The following CNOT7 variants were observed in gnomAD, a reference collection of about 807,000 sequenced individuals.
CNOT7 encodes BTG1-binding factor 1.
Under a neutral mutation model 37.1 loss-of-function variants are expected in CNOT7, and 4 were observed. The observed-to-expected ratio is 0.11, with a 90% CI of 0.05 to 0.25. The LOEUF is 0.25. CNOT7 is among the 10% of genes least tolerant of loss of function. CNOT7 has a pLI of 1.00. For missense variants in CNOT7, 170 were observed against 336.2 expected, an observed-to-expected ratio of 0.51 and a Z score of 3.87; for synonymous variants, 128 against 115.6, an observed-to-expected ratio of 1.11 and a Z score of -0.69.
chr8:17,232,343 T>A, intron 6 of CNOT7, 84 bp downstream of exon 6: 1 of 1,608,078 alleles, frequency 6.2e-7, no homozygotes, highest in South Asian at 1.1e-5. Context: ...AGTAGGTACT[T>A]GTTGCCCAAA....
intron 5 of CNOT7, among the ~76,000 whole-genome samples, chr8:17,232,987 A>G (rs1421938951): frequency 6.6e-6 from 1 of 152,234 alleles, no homozygotes; most frequent in African/African-American, 2.4e-5. Context: ...CAAAGCCATT[A>G]TGAATAATCA....
At chr8:17,245,413 G>GA (rs1173533427) in intron 1 of CNOT7, among the ~76,000 whole-genome samples, 166 bp from the exon 2 acceptor site, 1 of 151,210 alleles carries the variant, frequency 6.6e-6, no homozygotes, top group Non-Finnish European at 1.5e-5. Flanking sequence ...TAGTCTATAG[G>GA]AAAAAAAGGA....
At chr8:17,236,870 C>A (rs370264474) in intron 4 of CNOT7, among the ~76,000 whole-genome samples, 1 of 152,120 alleles carries the variant, frequency 6.6e-6, no homozygotes, top group Non-Finnish European at 1.5e-5. Flanking sequence ...TGGTTTCCCC[C>A]GTAGAACATT....
chr8:17,232,240 C>G, intron 6 of CNOT7, 187 bp downstream of exon 6: 1 of 1,427,692 alleles, frequency 7.0e-7, no homozygotes, highest in East Asian at 2.6e-5. Flanking sequence ...TCTCCCAGTT[C>G]CTTCTGAACT....
Position 17,243,111 on chromosome 8 carries a change from T to G in CNOT7, c.192A>C (p.Leu64=). ...FRSNADYQYQ[L]LRCNVDLLKI... is the part of the protein sequence containing the mutation. ...TTAACAAGTCTACATTACACCGCAA[T>G]AGTTGGTATTGATAGTCAGCATTGC... Residue 64 remains leucine (L), a synonymous_variant, in exon 3 of 7, where the codon CTA becomes CTC. Coordinates refer to ENST00000361272, the MANE Select transcript of CNOT7 (RefSeq NM_013354.7). The G allele has an allele frequency of 1.9e-6, 3 of 1,611,678 alleles. No homozygotes were observed. The highest frequency in any genetic ancestry group is 2.5e-6 in the Non-Finnish European group (3 of 1,179,454).
At chr8:17,234,077 T>A (rs1197208283) in intron 5 of CNOT7, among the ~76,000 whole-genome samples, 2 of 152,140 alleles carry the variant, frequency 1.3e-5, no homozygotes. Flanking sequence ...AGAATTAATG[T>A]TTAGAATTTA....
At chr8:17,230,914 A>G in intron 6 of CNOT7, 66 bp from the exon 7 acceptor site, 1 of 1,206,426 alleles carries the variant, frequency 8.3e-7, no homozygotes, top group Non-Finnish European at 1.2e-6. Context: ...TGTAATTTAT[A>G]TTTCAGCAAT....
At chr8:17,245,334 T>G (rs1006390054) in intron 1 of CNOT7, 87 bp from the exon 2 acceptor site, 1 of 586,030 alleles carries the variant, frequency 1.7e-6, no homozygotes, top group African/African-American at 1.9e-5. Flanking sequence ...TAAGAAGTTA[T>G]TTATTCAAAG....
intron 4 of CNOT7, among the ~76,000 whole-genome samples, chr8:17,236,423 C>A (rs2959604): frequency 1.3e-5 from 2 of 152,166 alleles, no homozygotes; most frequent in African/African-American, 4.8e-5. Flanking sequence ...TTTTTCATAC[C>A]TGGAAGTCTA....
chr8:17,230,936 C>A, intron 6 of CNOT7, 88 bp from the exon 7 acceptor site: 1 of 908,934 alleles, frequency 1.1e-6, no homozygotes, highest in South Asian at 1.8e-5. Context: ...TAAGTACTGA[C>A]TGTTCACTGA....
chr8:17,235,832 T>G (rs1809278264), intron 4 of CNOT7, among the ~76,000 whole-genome samples: 2 of 152,234 alleles, frequency 1.3e-5, no homozygotes, highest in Admixed American at 1.3e-4. Context: ...TGATAAATAT[T>G]CAAATATATC....
intron 4 of CNOT7, among the ~76,000 whole-genome samples, chr8:17,235,243 A>C (rs1809192952): frequency 6.6e-6 from 1 of 152,224 alleles, no homozygotes. Context: ...AGATGAATGG[A>C]AACTTGGCCA....
rs1808328135 is a variant in CNOT7, at chr8:17,228,850, A to G, written c.*1870T>C. On this transcript the variant is annotated 3_prime_UTR_variant, in exon 7 of 7. Transcript: ENST00000361272. Reference sequence around the variant, plus strand: ...TAGTTTTCTCAGCTAACAAATCACAAGCGAAAAGAAGCTTCACTTCCTTTT... The same window carrying G: ...TAGTTTTCTCAGCTAACAAATCACAGGCGAAAAGAAGCTTCACTTCCTTTT... 1 of 152,008 alleles carries G rather than the reference A, an allele frequency of 6.6e-6. No homozygotes were observed. The highest frequency in any genetic ancestry group is 2.4e-5 in the African/African-American group (1 of 41,442). The allele number at this position is 152,008 out of a possible 1,614,324, so 9.4% of individuals were successfully genotyped here.
rs1228295087 is a variant in CNOT7 at position 17,229,570 on chromosome 8, A to C, written c.*1150T>G. 1 of 152,108 alleles carries C rather than the reference A, an allele frequency of 6.6e-6. No homozygotes were observed. The highest frequency in any genetic ancestry group is 1.5e-5 in the Non-Finnish European group (1 of 67,782). The allele number at this position is 152,108 out of a possible 1,614,324, so 9.4% of individuals were successfully genotyped here. A position where few individuals can be genotyped will look rare whatever the true frequency, so the allele number is the denominator to read the frequency against. Reference sequence around the variant, plus strand: ...TCTCTTTTGTCAATATATATAAAATAGATTGCAAAGATATACACAAAAAAA... The same window carrying C: ...TCTCTTTTGTCAATATATATAAAATCGATTGCAAAGATATACACAAAAAAA... On this transcript the variant is annotated 3_prime_UTR_variant, in exon 7 of 7. Coordinates refer to ENST00000361272, the MANE Select transcript of CNOT7 (RefSeq NM_013354.7).
chr8:17,243,691 A>C, intron 2 of CNOT7: 1 of 455,408 alleles, frequency 2.2e-6, no homozygotes, highest in Non-Finnish European at 4.4e-6. Flanking sequence ...GTCCACAGAA[A>C]GCATGCTGTC....
Position 17,244,732 on chromosome 8 carries a change from G to A in CNOT7, c.117+304C>T, listed in dbSNP as rs556166495. 1.5e-4 allele frequency: 38 copies of A among 256,672 alleles called. No individual in the cohort carries two copies. The South Asian group carries it at 2.3e-3, about 15-fold the overall frequency. The allele number at this position is 256,672 out of a possible 1,614,324, so 15.9% of individuals were successfully genotyped here. A position where few individuals can be genotyped will look rare whatever the true frequency, so the allele number is the denominator to read the frequency against. The stretch of plus-strand genomic sequence containing the variant: ...CACATCCAATCCACAGTAAAGCTCT[G>A]CTTCCCTTACCTTCCCCTAAGACCA... On this transcript the variant is annotated intron_variant, in intron 2 of 6. Coordinates refer to ENST00000361272, the MANE Select transcript of CNOT7 (RefSeq NM_013354.7).
chr8:17,240,216 T>G (rs1387735288), intron 3 of CNOT7, among the ~76,000 whole-genome samples: 2 of 152,240 alleles, frequency 1.3e-5, no homozygotes, highest in African/African-American at 2.4e-5. Context: ...TTTCACTGTA[T>G]CCTTCTCCTT....
rs1286348342 is a variant in CNOT7, at chr8:17,225,633, A to AT, written c.*5086dup. 6.6e-6 allele frequency: 1 copy of AT among 151,772 alleles called. No individual in the cohort carries two copies. The highest frequency in any genetic ancestry group is 2.4e-5 in the African/African-American group (1 of 41,404). The allele number at this position is 151,772 out of a possible 1,614,324, so 9.4% of individuals were successfully genotyped here. Reference sequence around the variant, plus strand: ...CTTGGAATTTTCATTCTATGGTGACATTTTTTTAACTTTCAAAACCTGAAA... The same window carrying AT: ...CTTGGAATTTTCATTCTATGGTGACATTTTTTTTAACTTTCAAAACCTGAAA... On this transcript the variant is annotated 3_prime_UTR_variant, in exon 7 of 7. Transcript: ENST00000361272.
chr8:17,240,569 C>A (rs1450163283), intron 3 of CNOT7, among the ~76,000 whole-genome samples: 1 of 152,062 alleles, frequency 6.6e-6, no homozygotes, highest in African/African-American at 2.4e-5. Flanking sequence ...AGTTGTTACT[C>A]GAACAAAGGT....
Sources: allele counts gnomAD v4.1 joint callset (sites outside exome capture counted in the v4.1 genomes callset), GRCh38; gene constraint gnomAD v4.1.1; transcripts MANE v1.5; gene names NCBI Gene and HGNC (gene_info 2026-07-23, HGNC 2026-07-21).